QTMAN: variants seen among roughly 807,000 people sequenced by gnomAD.
QTMAN encodes tRNA-queuosine alpha-mannosyltransferase.
chr2:144,087,163 A>C, the QTMAN span, among the ~76,000 whole-genome samples: 62 of 152,296 alleles, frequency 4.1e-4, no homozygotes, highest in Middle Eastern at 3.4e-3. Flanking sequence ...TCAAATGCAA[A>C]ACAAACTAAA....
chr2:144,155,072 C>G, the QTMAN span, among the ~76,000 whole-genome samples: 1 of 152,082 alleles, frequency 6.6e-6, no homozygotes. Context: ...GCTTACATTC[C>G]CCATGCCCCA....
the QTMAN span, among the ~76,000 whole-genome samples, chr2:144,101,164 G>A: frequency 3.3e-5 from 5 of 152,006 alleles, no homozygotes; most frequent in Admixed American, 1.3e-4. Flanking sequence ...CACCGTGCCC[G>A]GCCCATTTAG....
chr2:144,296,498 TG>T, the QTMAN span, among the ~76,000 whole-genome samples: 1 of 152,138 alleles, frequency 6.6e-6, no homozygotes, highest in East Asian at 1.9e-4. Context: ...AAATTATGAC[TG>T]AAAAAAATAT....
chr2:143,990,323 T>G, the QTMAN span, among the ~76,000 whole-genome samples: 1 of 152,166 alleles, frequency 6.6e-6, no homozygotes, highest in African/African-American at 2.4e-5. Flanking sequence ...CAGCCAGGGT[T>G]GAGACCACTG....
At chr2:144,235,634 C>T in the QTMAN span, 14,849 of 152,494 alleles carry the variant, frequency 0.097, 849 homozygotes, top group South Asian at 0.17. Flanking sequence ...TGCCACAGGA[C>T]GGAATTGATG....
chr2:144,135,153 A>G, the QTMAN span, among the ~76,000 whole-genome samples: 1 of 152,180 alleles, frequency 6.6e-6, no homozygotes, highest in Non-Finnish European at 1.5e-5. Flanking sequence ...CTGTAAGTCT[A>G]TAACACATTC....
chr2:144,153,930 A>G, the QTMAN span, among the ~76,000 whole-genome samples: 1 of 152,134 alleles, frequency 6.6e-6, no homozygotes, highest in Non-Finnish European at 1.5e-5. Flanking sequence ...AAAGCACAAG[A>G]GGTTTGGTTA....
the QTMAN span, among the ~76,000 whole-genome samples, chr2:144,164,405 T>C: frequency 2.6e-4 from 40 of 152,254 alleles, no homozygotes; most frequent in African/African-American, 8.4e-4. Flanking sequence ...ACCATTATTA[T>C]TATTAAATTG....
At chr2:144,047,383 T>G in the QTMAN span, among the ~76,000 whole-genome samples, 4 of 152,322 alleles carry the variant, frequency 2.6e-5, no homozygotes, top group Admixed American at 1.3e-4. Flanking sequence ...ATCCTTTTAC[T>G]CAAAACACAA....
chr2:144,026,384 G>A, the QTMAN span, among the ~76,000 whole-genome samples: 20 of 152,086 alleles, frequency 1.3e-4, no homozygotes, highest in Admixed American at 2.0e-4. Context: ...GCAGTGAGCC[G>A]AGACTGCACC....
the QTMAN span, among the ~76,000 whole-genome samples, chr2:144,210,469 T>A: frequency 2.6e-5 from 4 of 152,184 alleles, no homozygotes; most frequent in Admixed American, 2.0e-4. Context: ...CAGGAATAGA[T>A]GAGGAAAGTG....
the QTMAN span, among the ~76,000 whole-genome samples, chr2:144,245,580 C>A: frequency 1.3e-5 from 2 of 152,144 alleles, no homozygotes; most frequent in Admixed American, 6.5e-5. Context: ...AAATTATTTT[C>A]ATCTACAATT....
At chr2:144,303,605 A>C in the QTMAN span, among the ~76,000 whole-genome samples, 1 of 152,220 alleles carries the variant, frequency 6.6e-6, no homozygotes, top group Non-Finnish European at 1.5e-5. Context: ...GATATGTATA[A>C]ATAAAACACT....
the QTMAN span, among the ~76,000 whole-genome samples, chr2:144,162,744 C>T: frequency 3.3e-5 from 5 of 152,048 alleles, no homozygotes; most frequent in East Asian, 1.9e-4. Flanking sequence ...GCTGTGCGGA[C>T]GAATTCCAGG....
At chr2:144,129,715 T>C in the QTMAN span, among the ~76,000 whole-genome samples, 3 of 152,048 alleles carry the variant, frequency 2.0e-5, 1 homozygote, top group South Asian at 4.1e-4. Context: ...ATATCATTTG[T>C]GCAGCTAGTG....
chr2:144,230,426 ATTTAC>A, the QTMAN span: 1 of 152,176 alleles, frequency 6.6e-6, no homozygotes, highest in African/African-American at 2.4e-5. Flanking sequence ...CTTAATAAAC[ATTTAC>A]TTTAATTTAC....
chr2:144,030,804 G>A, the QTMAN span, among the ~76,000 whole-genome samples: 1 of 152,138 alleles, frequency 6.6e-6, no homozygotes, highest in East Asian at 1.9e-4. Flanking sequence ...GGTGATTACA[G>A]GGGCACTACA....
the QTMAN span, among the ~76,000 whole-genome samples, chr2:144,287,450 A>C: frequency 6.6e-6 from 1 of 152,116 alleles, no homozygotes; most frequent in Non-Finnish European, 1.5e-5. Flanking sequence ...AAAAAAAAAA[A>C]AAAACCTTAT....
chr2:144,073,863 T>A, the QTMAN span, among the ~76,000 whole-genome samples: 3 of 152,224 alleles, frequency 2.0e-5, no homozygotes, highest in African/African-American at 7.2e-5. Flanking sequence ...ATTAAACTCA[T>A]GGACTCCGCA....
Sources: gnomAD v4.1 joint callset for allele counts (sites outside exome capture counted in the v4.1 genomes callset) on GRCh38, gnomAD v4.1.1 for gene constraint, MANE v1.5 for transcripts, NCBI Gene and HGNC (gene_info 2026-07-23, HGNC 2026-07-21) for gene names.